Variants in TSG101 observed in about 807,000 individuals in gnomAD.
TSG101 encodes tumor susceptibility 101.
TSG101 carries 19 observed loss-of-function variants against 48.5 expected under a neutral mutation model. The observed-to-expected ratio is 0.39, with a 90% CI of 0.27 to 0.58. The LOEUF is 0.58. Among genes scored for constraint, TSG101 ranks in the 20% least tolerant of loss-of-function variants. The pLI is 0.55. For missense variants in TSG101, 365 were observed against 484.4 expected, an observed-to-expected ratio of 0.75 and a Z score of 2.31; for synonymous variants, 174 against 169.4, an observed-to-expected ratio of 1.03 and a Z score of -0.21.
chr11:18,523,290 C>T (rs1017798960), intron 1 of TSG101, among the ~76,000 whole-genome samples: 9 of 152,096 alleles, frequency 5.9e-5, no homozygotes, highest in Admixed American at 3.9e-4. Context: ...ATCCCATTTC[C>T]ACACCCTAGC....
chr11:18,500,331 G>A, intron 7 of TSG101, among the ~76,000 whole-genome samples: 1 of 152,006 alleles, frequency 6.6e-6, no homozygotes, highest in East Asian at 1.9e-4. Context: ...CCTTTCCCTT[G>A]GATAAATACC....
chr11:18,509,492 G>T, intron 5 of TSG101, 50 bp downstream of exon 5: 10 of 1,570,148 alleles, frequency 6.4e-6, no homozygotes, highest in Non-Finnish European at 8.6e-6. Flanking sequence ...AAAGGTTTCT[G>T]TTCTCTTTTG....
At chr11:18,508,540 G>C (rs1565091229) in intron 5 of TSG101, 1 of 152,000 alleles carries the variant, frequency 6.6e-6, no homozygotes, top group Admixed American at 6.6e-5. Context: ...TTGGGCACTA[G>C]AGTCAACAGA....
chr11:18,482,796 T>C lies in TSG101; in HGVS notation c.844-927A>G, dbSNP rs562182474. Among the ~76,000 whole-genome samples the C allele has an allele frequency of 4.6e-5, 7 of 152,324 alleles. No homozygotes were observed. The South Asian group carries it at 1.0e-3, about 23-fold the overall frequency. On this transcript the variant is annotated intron_variant, in intron 8 of 9. Transcript: ENST00000251968. ...CACACAACCTTTGGAAACAATAAAA[T>C]AGTACTGTCCTTTTAAGTCTGCTCC...
At chr11:18,484,554 G>A (rs1005438422) in intron 7 of TSG101, among the ~76,000 whole-genome samples, 2 of 152,200 alleles carry the variant, frequency 1.3e-5, no homozygotes, top group African/African-American at 4.8e-5. Context: ...GGTTAATAAG[G>A]CTTCCCTCTG....
intron 6 of TSG101, among the ~76,000 whole-genome samples, chr11:18,506,147 G>GGT (rs936140941): frequency 1.3e-5 from 2 of 152,010 alleles, no homozygotes; most frequent in Non-Finnish European, 2.9e-5. Context: ...AGAATTTTAA[G>GGT]GTGTGTGTGT....
intron 7 of TSG101, among the ~76,000 whole-genome samples, chr11:18,487,793 A>ATCC (rs777272403): frequency 1.3e-5 from 2 of 152,196 alleles, no homozygotes; most frequent in African/African-American, 4.8e-5. Context: ...GTGAGCATAC[A>ATCC]TCCTCCTTTT....
At chr11:18,499,286 ATATATATTTATATT>A (rs1232423784) in intron 7 of TSG101, among the ~76,000 whole-genome samples, 1 of 114,410 alleles carries the variant, frequency 8.7e-6, no homozygotes, top group Non-Finnish European at 1.8e-5. Flanking sequence ...TATATATATC[ATATATATTTATATT>A]TATATATTTA....
chr11:18,526,417 C>T (rs1260300123), intron 1 of TSG101, among the ~76,000 whole-genome samples: 2 of 152,220 alleles, frequency 1.3e-5, no homozygotes, highest in East Asian at 1.9e-4. Flanking sequence ...TGCCTCAGAT[C>T]TACAACTAAG....
chr11:18,494,471 G>T (rs1849745908), intron 7 of TSG101, among the ~76,000 whole-genome samples: 1 of 152,116 alleles, frequency 6.6e-6, no homozygotes, highest in Admixed American at 6.5e-5. Context: ...AAAATCATTT[G>T]TTAACTTACA....
At chr11:18,502,821 T>C (rs1290768007) in intron 6 of TSG101, among the ~76,000 whole-genome samples, 1 of 152,228 alleles carries the variant, frequency 6.6e-6, no homozygotes, top group Non-Finnish European at 1.5e-5. Flanking sequence ...GTCACCCTCA[T>C]AGCAGCGGAA....
chr11:18,496,821 T>C (rs1343416972), intron 7 of TSG101, among the ~76,000 whole-genome samples: 4 of 152,164 alleles, frequency 2.6e-5, no homozygotes, highest in Non-Finnish European at 5.9e-5. Context: ...CCAGGTGTGG[T>C]GGCTCAGGCC....
chr11:18,481,516 A>C, intron 9 of TSG101, 114 bp downstream of exon 9: 1 of 1,480,078 alleles, frequency 6.8e-7, no homozygotes, highest in Non-Finnish European at 8.9e-7. Context: ...GTTTTTTGGG[A>C]AGATAAAGAA....
chr11:18,483,815 T>C, intron 8 of TSG101, 55 bp downstream of exon 8: 1 of 1,587,076 alleles, frequency 6.3e-7, no homozygotes, highest in Non-Finnish European at 8.6e-7. Context: ...TATAGAACAC[T>C]CTGCCATGGC....
At chr11:18,516,397 T>G (rs908966594) in intron 2 of TSG101, among the ~76,000 whole-genome samples, 1 of 151,466 alleles carries the variant, frequency 6.6e-6, no homozygotes, top group Non-Finnish European at 1.5e-5. Context: ...CAGGATGGAG[T>G]GCAATGGCGC....
intron 7 of TSG101, among the ~76,000 whole-genome samples, chr11:18,499,312 TTA>T (rs912189538): frequency 2.4e-4 from 31 of 126,698 alleles, no homozygotes; most frequent in African/African-American, 7.9e-4. Flanking sequence ...ATATATTTAT[TTA>T]TATATATTTA....
At chr11:18,481,906 A>G (rs1356028567) in intron 8 of TSG101, 37 bp from the exon 9 acceptor site, 2 of 1,600,706 alleles carry the variant, frequency 1.2e-6, no homozygotes, top group Non-Finnish European at 1.7e-6. Flanking sequence ...ATAACTGTAC[A>G]TAATTATCCA....
rs1307569331 is a variant in TSG101, at chr11:18,508,084, ACT to A, written c.482-1163_482-1162del. Among the ~76,000 whole-genome samples, 10 of 135,906 alleles carry A rather than the reference ACT, an allele frequency of 7.4e-5. No individual in the cohort carries two copies. The East Asian group carries it at 9.4e-4, about 13-fold the overall frequency. 89.2% of individuals were successfully genotyped at this position (135,906 alleles called of 152,430 possible). On this transcript the variant is annotated intron_variant, in intron 5 of 9. Coordinates refer to ENST00000251968, the MANE Select transcript of TSG101 (RefSeq NM_006292.4). ...ACTCCGGCCTGGGCAACAGAGCGAG[ACT>A]CTGTCTCAAAAAAAAAAAAAAGTTG...
intron 3 of TSG101, 40 bp downstream of exon 3, chr11:18,516,059 T>G (rs1322972198): frequency 4.5e-6 from 7 of 1,564,140 alleles, no homozygotes; most frequent in Non-Finnish European, 4.4e-6. Flanking sequence ...TATTATGTAT[T>G]CAAAATGCAT....
Sources: allele counts gnomAD v4.1 joint callset (sites outside exome capture counted in the v4.1 genomes callset), GRCh38; gene constraint gnomAD v4.1.1; transcripts MANE v1.5; gene names NCBI Gene and HGNC (gene_info 2026-07-23, HGNC 2026-07-21).